ADGRV1: variants seen among roughly 807,000 people sequenced by gnomAD.
ADGRV1 encodes G-protein coupled receptor 98.
ADGRV1 carries 359 observed loss-of-function variants against 596.2 expected under a neutral mutation model. That is an observed-to-expected ratio of 0.60 (90% CI 0.55 to 0.66). The LOEUF (loss-of-function observed/expected upper bound fraction) is 0.66, where lower values mean the gene tolerates loss of function less well. Ranked by LOEUF, ADGRV1 falls within the 30% of genes least tolerant of loss-of-function variation. The probability of loss-of-function intolerance (pLI) is 0.00; values close to 1 mark genes in which losing one functional copy is unlikely to be tolerated. For synonymous variants in ADGRV1, 2,681 were observed against 2,679.2 expected (o/e 1.00, Z -0.02); for missense variants, 7,274 against 7,575.6 (o/e 0.96, Z 1.48).
intron 87 of ADGRV1, among the ~76,000 whole-genome samples, chr5:91,103,301 A>G (rs373853477): frequency 1.3e-5 from 2 of 152,034 alleles, no homozygotes; most frequent in East Asian, 1.9e-4. Context: ...TATATAGACA[A>G]CTGTCTGTGG....
At chr5:90,588,755 T>C (rs1435409931) in intron 1 of ADGRV1, among the ~76,000 whole-genome samples, 1 of 152,176 alleles carries the variant, frequency 6.6e-6, no homozygotes, top group Non-Finnish European at 1.5e-5. Flanking sequence ...AAACCACAAA[T>C]GAATATCTAA....
chr5:90,820,069 C>T (rs368862931), intron 75 of ADGRV1, among the ~76,000 whole-genome samples: 6,918 of 151,736 alleles, frequency 0.046, 556 homozygotes, highest in African/African-American at 0.16. Flanking sequence ...TTGTAGGTCA[C>T]TCAGGACTTG....
At chr5:90,797,287 CAA>C (rs780696194) in intron 70 of ADGRV1, among the ~76,000 whole-genome samples, 177 of 26,350 alleles carry the variant, frequency 6.7e-3, no homozygotes, top group African/African-American at 0.023. Context: ...AAATGAAAAG[CAA>C]AAAAAAAAAA....
chr5:90,976,337 TATA>T (rs1254147126), intron 84 of ADGRV1, among the ~76,000 whole-genome samples: 1 of 145,714 alleles, frequency 6.9e-6, no homozygotes, highest in Non-Finnish European at 1.5e-5. Flanking sequence ...TATATATATA[TATA>T]TATATATATG....
In ADGRV1 at chr5:90,791,335, A is replaced by T; in HGVS notation, c.14506A>T (p.Ile4836Leu). Residue 4836 changes from isoleucine to leucine, a missense_variant, in exon 70 of 90, where the codon ATA becomes TTA. Transcript: ENST00000405460. Reference sequence around the variant, plus strand: ...CACATATAAAGTGGACGTGGTGCCAATAAAGAATCAGGTTTGTGGCATTTC... The same window carrying T: ...CACATATAAAGTGGACGTGGTGCCATTAAAGAATCAGGTTTGTGGCATTTC... ...GATYKVDVVP[I>L]KNQVFLSLGS... The T allele has an allele frequency of 6.4e-7, 1 of 1,557,340 alleles. No individual in the cohort carries two copies. The highest frequency in any genetic ancestry group is 8.7e-7 in the Non-Finnish European group (1 of 1,149,150).
chr5:90,745,480 T>C lies in ADGRV1; in HGVS notation c.10770-111T>C, dbSNP rs192120579. 787 of 817,176 alleles carry C rather than the reference T, an allele frequency of 9.6e-4. No homozygotes were observed. The African/African-American group carries it at 0.012, about 12-fold the overall frequency. The allele number at this position is 817,176 out of a possible 1,614,324, so 50.6% of individuals were successfully genotyped here. A position where few individuals can be genotyped will look rare whatever the true frequency, so the allele number is the denominator to read the frequency against. ...TTGGATTAAAATTTTCGTTATGAAATGTTGTGATTCTTCCAAACCTTTAAT... is the reference window on the plus strand; with the variant it reads ...TTGGATTAAAATTTTCGTTATGAAACGTTGTGATTCTTCCAAACCTTTAAT... On this transcript the variant is annotated intron_variant, in intron 51 of 89. Coordinates refer to ENST00000405460, the MANE Select transcript of ADGRV1 (RefSeq NM_032119.4).
At chr5:90,775,486 A>C (rs986215592) in intron 60 of ADGRV1, among the ~76,000 whole-genome samples, 6 of 152,066 alleles carry the variant, frequency 3.9e-5, no homozygotes, top group African/African-American at 1.4e-4. Context: ...ATATCAAAAA[A>C]ATTTTTTTGA....
At position 90,637,907 on chromosome 5, in the gene ADGRV1, C is replaced by T. The variant is rs765065462; in HGVS notation, c.2199C>T (p.Asp733=). The T allele has an allele frequency of 1.9e-6, 3 of 1,613,488 alleles. No individual in the cohort carries two copies. Among genetic ancestry groups the T allele is most frequent in the Admixed American group, 1.7e-5 (1 of 59,920 alleles). The change falls in exon 11 of 90, where the codon GAC becomes GAT. Residue 733 remains aspartate (D), a synonymous_variant. Transcript: ENST00000405460. The part of the protein sequence containing the change: ...TTINITIKGD[D]IPEMNETVTL... The stretch of plus-strand genomic sequence containing the variant: ...TCAACATTACTATCAAAGGTGATGA[C>T]ATACCGGAAATGAATGAAACTGTAA...
chr5:90,735,793 G>C (rs1230470323), intron 50 of ADGRV1, among the ~76,000 whole-genome samples: 1 of 150,468 alleles, frequency 6.6e-6, no homozygotes, highest in African/African-American at 2.4e-5. Context: ...TTAGTGTATA[G>C]AAATGCTACA....
intron 1 of ADGRV1, among the ~76,000 whole-genome samples, chr5:90,561,913 T>C (rs1754885244): frequency 6.6e-6 from 1 of 152,124 alleles, no homozygotes; most frequent in African/African-American, 2.4e-5. Flanking sequence ...TCAATTTACC[T>C]CCCCACCACT....
At chr5:90,807,797 A>G in intron 73 of ADGRV1, 60 bp downstream of exon 73, 1 of 1,418,974 alleles carries the variant, frequency 7.0e-7, no homozygotes, top group Non-Finnish European at 9.5e-7. Flanking sequence ...GAATTCATCC[A>G]TCAAAACAGA....
At chr5:90,602,464 T>C (rs1210487663) in intron 1 of ADGRV1, among the ~76,000 whole-genome samples, 2 of 152,152 alleles carry the variant, frequency 1.3e-5, no homozygotes, top group Non-Finnish European at 2.9e-5. Flanking sequence ...GTACCTTTTG[T>C]ATAAGTGATG....
chr5:90,854,293 G>C (rs1055087812), intron 81 of ADGRV1, 92 bp downstream of exon 81: 1 of 862,370 alleles, frequency 1.2e-6, no homozygotes, highest in Non-Finnish European at 1.7e-6. Context: ...ATAGATGGTG[G>C]CCCCAGATGA....
At chr5:90,723,826 G>A (rs543077773) in intron 45 of ADGRV1, among the ~76,000 whole-genome samples, 3 of 152,116 alleles carry the variant, frequency 2.0e-5, no homozygotes, top group Admixed American at 2.0e-4. Flanking sequence ...AATTTAAAAA[G>A]AACTTAATGT....
intron 11 of ADGRV1, among the ~76,000 whole-genome samples, chr5:90,640,173 C>G (rs1271760960): frequency 6.6e-6 from 1 of 152,094 alleles, no homozygotes; most frequent in Non-Finnish European, 1.5e-5. Context: ...AAATGAAGCT[C>G]TAGGGCTCTA....
rs1396981903 is a variant in ADGRV1, at chr5:90,625,146, A to G, written c.575A>G (p.Asn192Ser). The change falls in exon 6 of 90, where the codon AAT (asparagine) becomes AGT (serine). Residue 192 changes from asparagine (N) to serine (S), a missense_variant. Transcript: ENST00000405460. The part of the protein sequence containing the change: ...MVTFEVEGGP[N>S]PPDEDLSPVK... ...TCTTTGCAGGTAGAGGGTGGCCCAAATCCCCCTGATGAAGATTTGAGTCCA... is the reference window on the plus strand; with the variant it reads ...TCTTTGCAGGTAGAGGGTGGCCCAAGTCCCCCTGATGAAGATTTGAGTCCA... 1.9e-6 allele frequency: 3 copies of G among 1,611,510 alleles called. No individual in the cohort carries two copies. Among genetic ancestry groups the G allele is most frequent in the Non-Finnish European group, 2.5e-6 (3 of 1,178,482 alleles).
At chr5:91,102,464 A>G in intron 87 of ADGRV1, 124 bp downstream of exon 87, 3 of 717,160 alleles carry the variant, frequency 4.2e-6, no homozygotes, top group Non-Finnish European at 6.2e-6. Flanking sequence ...ATAACATCAT[A>G]TAGAGTTGTA....
intron 85 of ADGRV1, among the ~76,000 whole-genome samples, chr5:91,009,143 T>G (rs1782526608): frequency 6.6e-6 from 1 of 152,148 alleles, no homozygotes; most frequent in African/African-American, 2.4e-5. Context: ...ACACAAAAAC[T>G]GTTGATCATT....
At chr5:90,826,236 C>T (rs909787810) in intron 76 of ADGRV1, among the ~76,000 whole-genome samples, 1 of 152,130 alleles carries the variant, frequency 6.6e-6, no homozygotes, top group Non-Finnish European at 1.5e-5. Context: ...AATACATGTT[C>T]TGTGACAATA....
Sources: gnomAD v4.1 joint callset for allele counts (sites outside exome capture counted in the v4.1 genomes callset) on GRCh38, gnomAD v4.1.1 for gene constraint, MANE v1.5 for transcripts, NCBI Gene and HGNC (gene_info 2026-07-23, HGNC 2026-07-21) for gene names.